Variants in LPCAT3 observed in about 807,000 individuals in gnomAD.
LPCAT3 encodes lysophospholipid acyltransferase 5.
Under a neutral mutation model 63.4 loss-of-function variants are expected in LPCAT3, and 21 were observed. The observed-to-expected ratio is 0.33, with a 90% CI of 0.23 to 0.48. LPCAT3 has a LOEUF of 0.48. LPCAT3 is among the 20% of genes least tolerant of loss of function. LPCAT3 has a pLI of 0.99. For missense variants in LPCAT3, 451 were observed against 590.6 expected, an observed-to-expected ratio of 0.76 and a Z score of 2.45; for synonymous variants, 242 against 227.5, an observed-to-expected ratio of 1.06 and a Z score of -0.58.
intron 1 of LPCAT3, among the ~76,000 whole-genome samples, chr12:6,994,893 T>C (rs781849722): frequency 4.6e-5 from 7 of 152,318 alleles, no homozygotes; most frequent in African/African-American, 1.7e-4. Context: ...GATCCAGTCT[T>C]GGCCCTCCAC....
intron 4 of LPCAT3, 81 bp downstream of exon 4, chr12:6,981,730 G>A: frequency 3.1e-6 from 4 of 1,297,200 alleles, no homozygotes; most frequent in Non-Finnish European, 3.4e-6. Flanking sequence ...GCGGGGGGCG[G>A]AGGGGGGGTG....
rs781797763 is a variant in LPCAT3, at chr12:7,018,438, G to GCCCCACAGGGA, written c.-25_-15dup. 5 of 1,587,508 alleles carry GCCCCACAGGGA rather than the reference G, an allele frequency of 3.1e-6. No homozygotes were observed. Among genetic ancestry groups the GCCCCACAGGGA allele is most frequent in the Non-Finnish European group, 4.3e-6 (5 of 1,164,910 alleles). ...TGAGGACGCCATCTTAACTCCGGGA[G>GCCCCACAGGGA]CCCCACAGGGACCCCCCAGCTCCGC... is the stretch of plus-strand genomic sequence containing the variant. On this transcript the variant is annotated 5_prime_UTR_variant, in exon 1 of 13. Transcript: ENST00000261407. This position sits in a 1 kb window ranked among gnomAD's most constrained non-coding sequence, Gnocchi z 4.9.
At chr12:6,996,797 T>C (rs782416366) in intron 1 of LPCAT3, among the ~76,000 whole-genome samples, 3 of 152,176 alleles carry the variant, frequency 2.0e-5, no homozygotes, top group Non-Finnish European at 2.9e-5. Flanking sequence ...TAAAGAGAAA[T>C]CAATCTCGAC....
chr12:7,000,067 G>T lies in LPCAT3; in HGVS notation c.152-16528C>A, dbSNP rs1213257268. 2.6e-4 allele frequency among the ~76,000 whole-genome samples: 40 copies of T among 151,744 alleles called. No individual in the cohort carries two copies. In the South Asian group the frequency reaches 8.3e-3, roughly 32 times the overall value. ...CCCAAGTAGCTGGGACTACAGGCGT[G>T]TGCCACCATGCCTGGCTAATTTTTG... On this transcript the variant is annotated intron_variant, in intron 1 of 12. Coordinates refer to ENST00000261407, the MANE Select transcript of LPCAT3 (RefSeq NM_005768.6).
At chr12:7,012,628 T>C (rs1418229588) in intron 1 of LPCAT3, among the ~76,000 whole-genome samples, 1 of 152,208 alleles carries the variant, frequency 6.6e-6, no homozygotes, top group Non-Finnish European at 1.5e-5. Flanking sequence ...TTCCATGGCA[T>C]TTCATTCCCT....
Position 6,983,470 on chromosome 12 carries a change from T to A in LPCAT3, c.221A>T (p.His74Leu). 1 of 1,612,774 alleles carries A rather than the reference T, an allele frequency of 6.2e-7. No homozygotes were observed. The highest frequency in any genetic ancestry group is 8.5e-7 in the Non-Finnish European group (1 of 1,178,932). Residue 74 changes from histidine (H) to leucine (L), a missense_variant, in exon 2 of 13, where the codon CAT becomes CTT. Coordinates refer to ENST00000261407, the MANE Select transcript of LPCAT3 (RefSeq NM_005768.6). ...AGCAATTGAGAGGCCTGTAAAGGTA[T>A]GGAAGAGGTGGATGAGGTAGGTCTC... ...YKETYLIHLF[H>L]TFTGLSIAYF... is the part of the protein sequence containing the mutation.
intron 1 of LPCAT3, among the ~76,000 whole-genome samples, chr12:7,015,798 G>T (rs1252063825): frequency 2.0e-5 from 3 of 152,170 alleles, no homozygotes; most frequent in African/African-American, 7.2e-5. Flanking sequence ...TTGATGATTG[G>T]TGGTAATGAG....
At chr12:6,986,142 AAGTAT>A (rs1197792515) in intron 1 of LPCAT3, among the ~76,000 whole-genome samples, 9 of 151,786 alleles carry the variant, frequency 5.9e-5, no homozygotes, top group Admixed American at 2.6e-4. Flanking sequence ...AGCTTCATGC[AAGTAT>A]AGTTGACCCT....
In LPCAT3 at chr12:6,977,201, G is replaced by A; in HGVS notation, c.1409C>T (p.Pro470Leu). 3 of 1,613,846 alleles carry A rather than the reference G, an allele frequency of 1.9e-6. No individual in the cohort carries two copies. In the South Asian group the frequency reaches 3.3e-5, roughly 18 times the overall value. Residue 470 changes from proline (P) to leucine (L), a missense_variant, in exon 12 of 13, where the codon CCT becomes CTT. This residue lies in a region of LPCAT3 where 304 missense variants were observed against 390.8 expected (regional missense o/e 0.78). Coordinates refer to ENST00000261407, the MANE Select transcript of LPCAT3 (RefSeq NM_005768.6). This position sits in a 1 kb window ranked among gnomAD's most constrained non-coding sequence, Gnocchi z 4.5. ...IFFLSLLFIL[P>L]YIHKAMVPRK... ...TGGCACCATTGCTTTGTGAATATAAGGCAATATGAATAGTAGGCTCAGGAA... is the reference window on the plus strand; with the variant it reads ...TGGCACCATTGCTTTGTGAATATAAAGCAATATGAATAGTAGGCTCAGGAA...
Position 6,981,032 on chromosome 12 carries a change from T to C in LPCAT3, c.649A>G (p.Ile217Val). Residue 217 changes from isoleucine to valine, a missense_variant, in exon 6 of 13, where the codon ATT becomes GTT. By Grantham distance (29) the Ile-to-Val change is conservative. Around this residue, in one of 3 missense-constraint regions of LPCAT3, gnomAD observed 304 missense variants for 390.8 expected, o/e 0.78. Coordinates refer to ENST00000261407, the MANE Select transcript of LPCAT3 (RefSeq NM_005768.6). ...HYMKLVQGELIDIPGKIPNSI... is the reference protein window; with the variant it reads ...HYMKLVQGELVDIPGKIPNSI... ...TTTGGTATCTTTCCTGGTATGTCAA[T>C]CAGCTCTCCCTGCACCAGCTTCATG... The C allele has an allele frequency of 6.2e-7, 1 of 1,604,338 alleles. No homozygotes were observed. Among genetic ancestry groups the C allele is most frequent in the Non-Finnish European group, 8.5e-7 (1 of 1,176,508 alleles).
Position 6,977,454 on chromosome 12 carries a change from G to A in LPCAT3, c.1260C>T (p.Tyr420=). ...AGTGGATGGTCTGTTGCACCAAATAGTAGAAGGGCTGGAGGACAGTAATGG... is the reference window on the plus strand; with the variant it reads ...AGTGGATGGTCTGTTGCACCAAATAATAGAAGGGCTGGAGGACAGTAATGG... ...LAAITVLQPF[Y]YLVQQTIHWL... is the part of the protein sequence containing the mutation. The change falls in exon 11 of 13, where the codon TAC becomes TAT. Residue 420 remains tyrosine, a synonymous_variant. Transcript: ENST00000261407. The surrounding 1 kb of genome is among the most constrained non-coding windows in gnomAD (Gnocchi z 4.5). The A allele has an allele frequency of 1.9e-6, 3 of 1,614,230 alleles. No homozygotes were observed. The highest frequency in any genetic ancestry group is 2.5e-6 in the Non-Finnish European group (3 of 1,180,038).
At chr12:6,998,957 T>C (rs1349407515) in intron 1 of LPCAT3, among the ~76,000 whole-genome samples, 1 of 152,248 alleles carries the variant, frequency 6.6e-6, no homozygotes, top group African/African-American at 2.4e-5. Flanking sequence ...CATCACCTGA[T>C]TTCCATTCTA....
chr12:6,981,243 T>C, intron 5 of LPCAT3, 61 bp from the exon 6 acceptor site: 1 of 1,390,496 alleles, frequency 7.2e-7, no homozygotes, highest in South Asian at 1.3e-5. Context: ...AAGAGCCACT[T>C]TGAGTGTTCC....
At chr12:6,983,981 A>G (rs782762543) in intron 1 of LPCAT3, among the ~76,000 whole-genome samples, 3 of 152,236 alleles carry the variant, frequency 2.0e-5, no homozygotes, top group Admixed American at 2.0e-4. Flanking sequence ...CGTCTCTATT[A>G]AAAAACAAGA....
In LPCAT3 at chr12:6,977,534, G is replaced by A; in HGVS notation, c.1189-9C>T. On this transcript the variant is annotated splice_polypyrimidine_tract_variant and intron_variant, in intron 10 of 12. Coordinates refer to ENST00000261407, the MANE Select transcript of LPCAT3 (RefSeq NM_005768.6). This position sits in a 1 kb window ranked among gnomAD's most constrained non-coding sequence, Gnocchi z 4.5. ...TGAATGAGCCTGGCAGCCTGGGGAG[G>A]GAGGAGGAGCTCATCAGCATCTTGT... 3.1e-6 allele frequency: 5 copies of A among 1,614,152 alleles called. No individual in the cohort carries two copies. Among genetic ancestry groups the A allele is most frequent in the Non-Finnish European group, 4.2e-6 (5 of 1,180,010 alleles).
intron 1 of LPCAT3, among the ~76,000 whole-genome samples, chr12:7,005,587 T>C (rs1264315216): frequency 6.6e-6 from 1 of 152,252 alleles, no homozygotes; most frequent in African/African-American, 2.4e-5. Context: ...TCTCCGTATC[T>C]TCACCAACAT....
At chr12:7,003,928 CAAAAAAAAAA>C (rs781922909) in intron 1 of LPCAT3, among the ~76,000 whole-genome samples, 1 of 63,442 alleles carries the variant, frequency 1.6e-5, no homozygotes, top group Admixed American at 1.8e-4. Flanking sequence ...GACTCCGTCT[CAAAAAAAAAA>C]AAAAAAAAAA....
At chr12:7,007,885 A>T (rs1555156975) in intron 1 of LPCAT3, among the ~76,000 whole-genome samples, 5 of 152,214 alleles carry the variant, frequency 3.3e-5, no homozygotes. Flanking sequence ...ATGTGAGCCA[A>T]GAACAAAACC....
At chr12:6,979,371 A>G (rs1946446089) in intron 7 of LPCAT3, 100 bp downstream of exon 7, 2 of 852,660 alleles carry the variant, frequency 2.3e-6, no homozygotes, top group South Asian at 1.5e-5. Context: ...ATGCACTTGT[A>G]GATGATATTT....
Sources: gnomAD v4.1 joint callset for allele counts (sites outside exome capture counted in the v4.1 genomes callset) on GRCh38, gnomAD v4.1.1 for gene constraint, gnomAD v4.1.1 regional missense constraint, Gnocchi (gnomAD v3.1) non-coding constraint, MANE v1.5 for transcripts, NCBI Gene and HGNC (gene_info 2026-07-23, HGNC 2026-07-21) for gene names.